Variants in DMD observed in about 807,000 individuals in gnomAD.
DMD encodes the protein mutant dystrophin.
DMD carries 63 observed loss-of-function variants against 330.1 expected under a neutral mutation model. That is an observed-to-expected ratio of 0.19 (90% CI 0.16 to 0.24). The LOEUF is 0.24. Among genes scored for constraint, DMD ranks in the 10% least tolerant of loss-of-function variants. The pLI is 1.00. For missense variants in DMD, 3,344 were observed against 2,684.1 expected (o/e 1.25, Z -5.43); for synonymous variants, 1,223 against 959.8 (o/e 1.27, Z -5.07).
chrX:32,615,772 T>A (rs1040181254), intron 11 of DMD, among the ~76,000 whole-genome samples: 7 of 111,274 alleles, frequency 6.3e-5, no homozygotes, highest in Admixed American at 9.6e-5. Context: ...ATACAAAGAG[T>A]TATCATATAA....
intron 45 of DMD, among the ~76,000 whole-genome samples, chrX:31,941,786 C>T: frequency 9.0e-6 from 1 of 111,406 alleles, no homozygotes. Flanking sequence ...TAACTATCTT[C>T]GGTTTTCTGT....
intron 44 of DMD, among the ~76,000 whole-genome samples, chrX:32,022,715 C>T (rs773652006): frequency 9.0e-6 from 1 of 111,449 alleles, no homozygotes; most frequent in Admixed American, 9.5e-5. Flanking sequence ...TTGATCAGGC[C>T]ACAGGATGTG....
At chrX:31,253,927 G>A (rs1300180740) in intron 63 of DMD, among the ~76,000 whole-genome samples, 3 of 111,967 alleles carry the variant, frequency 2.7e-5, no homozygotes, top group African/African-American at 6.5e-5. Flanking sequence ...GAGAGCTTTC[G>A]CATCATTCAG....
intron 60 of DMD, among the ~76,000 whole-genome samples, chrX:31,407,868 G>A (rs192239965): frequency 9.0e-6 from 1 of 111,027 alleles, no homozygotes; most frequent in Admixed American, 9.7e-5. Context: ...TTTGTCATTA[G>A]TTCCATAACT....
intron 60 of DMD, among the ~76,000 whole-genome samples, chrX:31,434,418 G>GCA (rs10572572): frequency 0.077 from 5,992 of 77,815 alleles, 260 homozygotes; most frequent in Non-Finnish European, 0.098. Context: ...CAGCGCGCGC[G>GCA]CACACACACA....
intron 7 of DMD, among the ~76,000 whole-genome samples, chrX:32,795,482 A>G (rs2076117577): frequency 8.9e-6 from 1 of 112,144 alleles, no homozygotes; most frequent in Non-Finnish European, 1.9e-5. Context: ...TGGATTAAGG[A>G]TTTAAAGGTA....
At chrX:31,440,184 G>A (rs1386397045) in intron 60 of DMD, among the ~76,000 whole-genome samples, 1 of 97,222 alleles carries the variant, frequency 1.0e-5, no homozygotes, top group African/African-American at 3.9e-5. Flanking sequence ...GTCTTGCTCT[G>A]TTGCCCAGGC....
chrX:32,304,399 G>A (rs1431860754), intron 42 of DMD, among the ~76,000 whole-genome samples: 1 of 110,851 alleles, frequency 9.0e-6, no homozygotes, highest in East Asian at 2.8e-4. Flanking sequence ...TAATAGTCAA[G>A]GTAGGACAAC....
At chrX:32,230,960 T>G (rs2097167087) in intron 43 of DMD, among the ~76,000 whole-genome samples, 1 of 112,379 alleles carries the variant, frequency 8.9e-6, no homozygotes, top group African/African-American at 3.2e-5. Flanking sequence ...TTTCAATATC[T>G]ATGAATGAGG....
chrX:33,056,067 C>A (rs1022696886), intron 1 of DMD, among the ~76,000 whole-genome samples: 2 of 110,025 alleles, frequency 1.8e-5, no homozygotes, highest in Non-Finnish European at 3.8e-5. Flanking sequence ...GGTGATATTG[C>A]GGGTCTGAAA....
At chrX:31,371,268 T>C (rs932663119) in intron 60 of DMD, among the ~76,000 whole-genome samples, 1 of 111,282 alleles carries the variant, frequency 9.0e-6, no homozygotes, top group African/African-American at 3.3e-5. Flanking sequence ...CTCAGTAATG[T>C]ATCAATGACT....
At chrX:33,196,426 T>C (rs768557768) in intron 1 of DMD, among the ~76,000 whole-genome samples, 214 of 110,958 alleles carry the variant, frequency 1.9e-3, no homozygotes, top group Non-Finnish European at 3.4e-3. Context: ...AGGCACACAA[T>C]CTTATTTGTT....
chrX:32,618,670 T>C (rs1460286639), intron 11 of DMD, among the ~76,000 whole-genome samples: 1 of 111,516 alleles, frequency 9.0e-6, no homozygotes, highest in Admixed American at 9.5e-5. Flanking sequence ...AGTTAAAATA[T>C]AATAGTAATT....
intron 7 of DMD, among the ~76,000 whole-genome samples, chrX:32,780,518 CTGT>C (rs1186207482): frequency 1.8e-5 from 2 of 111,461 alleles, no homozygotes; most frequent in African/African-American, 6.6e-5. Flanking sequence ...ACCTTCACCA[CTGT>C]TATTTTATTT....
At chrX:32,757,193 C>G (rs1225496462) in intron 7 of DMD, among the ~76,000 whole-genome samples, 1 of 111,314 alleles carries the variant, frequency 9.0e-6, no homozygotes, top group East Asian at 2.8e-4. Flanking sequence ...AAAGTCTATT[C>G]TTTTTGAAAT....
intron 41 of DMD, among the ~76,000 whole-genome samples, chrX:32,338,325 C>T (rs1411654763): frequency 9.0e-6 from 1 of 110,833 alleles, no homozygotes; most frequent in Non-Finnish European, 1.9e-5. Context: ...TTAAAATTTA[C>T]ATTTATTCCA....
At chrX:32,771,197 T>G (rs1389900974) in intron 7 of DMD, among the ~76,000 whole-genome samples, 1 of 112,045 alleles carries the variant, frequency 8.9e-6, no homozygotes, top group Non-Finnish European at 1.9e-5. Flanking sequence ...GAAACACTTT[T>G]CAGAGACCAC....
intron 55 of DMD, among the ~76,000 whole-genome samples, chrX:31,530,647 C>CTTTTTT (rs1192286078): frequency 2.0e-4 from 10 of 49,762 alleles, no homozygotes; most frequent in Non-Finnish European, 2.9e-4. Flanking sequence ...ACTGGTTTCT[C>CTTTTTT]TTTTTTTTTT....
At chrX:33,015,447 G>T (rs1276440260) in intron 2 of DMD, among the ~76,000 whole-genome samples, 1 of 110,993 alleles carries the variant, frequency 9.0e-6, no homozygotes, top group African/African-American at 3.3e-5. Context: ...TCACTTATAG[G>T]TGGGAGCTAA....
Sources: gnomAD v4.1 joint callset for allele counts (sites outside exome capture counted in the v4.1 genomes callset) on GRCh38, gnomAD v4.1.1 for gene constraint, MANE v1.5 for transcripts, NCBI Gene and HGNC (gene_info 2026-07-23, HGNC 2026-07-21) for gene names.